ERC2: variants seen among roughly 807,000 people sequenced by gnomAD.
ERC2 encodes ERC protein 2.
In ERC2, 42 loss-of-function variants were observed where a neutral mutation model predicts 114.8. The observed-to-expected ratio is 0.37, with a 90% confidence interval of 0.29 to 0.47. ERC2 has a LOEUF of 0.47. ERC2 is among the 20% of genes least tolerant of loss of function. The pLI is 0.99. For synonymous variants in ERC2, 454 were observed against 425.5 expected (o/e 1.07, Z -0.82); for missense variants, 939 against 1,150.7 (o/e 0.82, Z 2.66).
At chr3:55,523,843 G>A (rs188308437) in intron 17 of ERC2, among the ~76,000 whole-genome samples, 2 of 152,322 alleles carry the variant, frequency 1.3e-5, no homozygotes, top group Admixed American at 6.5e-5. Flanking sequence ...TGCTTCTGCA[G>A]CAGTGATTTT....
chr3:56,023,767 A>AAGGAAGGAAGGAAGG (rs1553777492), intron 7 of ERC2, among the ~76,000 whole-genome samples: 1 of 49,586 alleles, frequency 2.0e-5, no homozygotes, highest in African/African-American at 5.1e-5. Context: ...ATGAATGAAA[A>AAGGAAGGAAGGAAGG]AAGGAATGAA....
intron 17 of ERC2, among the ~76,000 whole-genome samples, chr3:55,625,894 C>G (rs532431465): frequency 1.3e-5 from 2 of 152,194 alleles, no homozygotes; most frequent in African/African-American, 4.8e-5. Flanking sequence ...CTTGAGTTAA[C>G]TCAAGGGGAC....
At chr3:55,812,169 C>A (rs1231876036) in intron 14 of ERC2, among the ~76,000 whole-genome samples, 1 of 152,196 alleles carries the variant, frequency 6.6e-6, no homozygotes. Flanking sequence ...ATTTCTTTAT[C>A]TGAAATCGGA....
At chr3:56,200,404 C>A in intron 3 of ERC2, among the ~76,000 whole-genome samples, 1 of 151,940 alleles carries the variant, frequency 6.6e-6, no homozygotes, top group East Asian at 1.9e-4. Flanking sequence ...TCTTTCCTCC[C>A]AGCTCTAACA....
At chr3:55,858,396 C>T (rs2061880330) in intron 14 of ERC2, among the ~76,000 whole-genome samples, 1 of 152,108 alleles carries the variant, frequency 6.6e-6, no homozygotes, top group South Asian at 2.1e-4. Flanking sequence ...AGCTCTTATT[C>T]AACATACTTA....
At chr3:56,216,522 G>T (rs1313642718) in intron 3 of ERC2, among the ~76,000 whole-genome samples, 1 of 152,162 alleles carries the variant, frequency 6.6e-6, no homozygotes, top group African/African-American at 2.4e-5. Context: ...ACCAAAAACA[G>T]TCCAGAACCA....
intron 2 of ERC2, among the ~76,000 whole-genome samples, chr3:56,433,263 G>A (rs2061874916): frequency 6.6e-6 from 1 of 150,526 alleles, no homozygotes; most frequent in African/African-American, 2.4e-5. Context: ...ATTCCAAAGC[G>A]CTTATAAAAA....
chr3:55,815,866 C>T (rs1461685440), intron 14 of ERC2, among the ~76,000 whole-genome samples: 3 of 152,124 alleles, frequency 2.0e-5, no homozygotes, highest in African/African-American at 7.2e-5. Flanking sequence ...TGCAAAATGC[C>T]TTCGTGAGTA....
chr3:55,837,887 CA>C (rs2060967490), intron 14 of ERC2, among the ~76,000 whole-genome samples: 1 of 150,374 alleles, frequency 6.7e-6, no homozygotes, highest in Non-Finnish European at 1.5e-5. Context: ...ATATACCATA[CA>C]AAAACTAAAG....
intron 14 of ERC2, among the ~76,000 whole-genome samples, chr3:55,886,287 A>G (rs1283795293): frequency 6.6e-6 from 1 of 152,210 alleles, no homozygotes. Flanking sequence ...AAAACATCAT[A>G]TGATAAATTT....
At chr3:56,414,062 A>T (rs1367920646) in intron 2 of ERC2, among the ~76,000 whole-genome samples, 1 of 152,222 alleles carries the variant, frequency 6.6e-6, no homozygotes, top group Non-Finnish European at 1.5e-5. Context: ...TACTTTTTCA[A>T]GGAAGTTCAA....
At chr3:56,003,147 G>T in intron 10 of ERC2, 1 of 1,287,778 alleles carries the variant, frequency 7.8e-7, no homozygotes. Flanking sequence ...ACATTGCAAA[G>T]TTGGGGAGGC....
At chr3:56,085,191 C>A (rs1424181750) in intron 6 of ERC2, among the ~76,000 whole-genome samples, 1 of 152,158 alleles carries the variant, frequency 6.6e-6, no homozygotes, top group Admixed American at 6.5e-5. Context: ...GTAGAATATC[C>A]TTTTCTTGCT....
rs566438746 is a variant in ERC2, at chr3:56,127,000, C to T, written c.1473+12509G>A. 6.3e-4 allele frequency among the ~76,000 whole-genome samples: 96 copies of T among 151,924 alleles called. 1 individual carries two copies. Among genetic ancestry groups the T allele is most frequent in the African/African-American group, 2.2e-3 (92 of 41,404 alleles). On this transcript the variant is annotated intron_variant, in intron 6 of 17. Transcript: ENST00000288221. The stretch of plus-strand genomic sequence containing the variant: ...GATGCAGGGTTACAAAATCAATATA[C>T]AAAAATCAGTATCATTTATATAGGC...
At chr3:55,795,522 C>T (rs778036187) in intron 14 of ERC2, among the ~76,000 whole-genome samples, 17 of 152,326 alleles carry the variant, frequency 1.1e-4, no homozygotes, top group Middle Eastern at 3.4e-3. Flanking sequence ...ATCCTTTTCC[C>T]CGTTTAACTT....
intron 2 of ERC2, among the ~76,000 whole-genome samples, chr3:56,338,807 C>T (rs1269502662): frequency 1.3e-5 from 2 of 152,152 alleles, no homozygotes; most frequent in African/African-American, 4.8e-5. Context: ...GCACTTTCTC[C>T]CTAAGGCTGT....
At chr3:56,010,174 A>C (rs1015804277) in intron 9 of ERC2, among the ~76,000 whole-genome samples, 13 of 152,154 alleles carry the variant, frequency 8.5e-5, no homozygotes, top group African/African-American at 2.9e-4. Context: ...GAATCCTTTA[A>C]GCTGTGCAAA....
At position 56,149,036 on chromosome 3, in the gene ERC2, C is replaced by G; in HGVS notation, c.1246G>C (p.Glu416Gln). The G allele has an allele frequency of 6.2e-7, 1 of 1,613,402 alleles. No individual in the cohort carries two copies. Among genetic ancestry groups the G allele is most frequent in the Non-Finnish European group, 8.5e-7 (1 of 1,179,586 alleles). Residue 416 changes from glutamate to glutamine, a missense_variant, in exon 5 of 18, where the codon GAA (glutamate) becomes CAA (glutamine). Transcript: ENST00000288221. ...ACCTCAATTTGTTTGATCTCTTCTT[C>G]GCGGTCCTCAGTGTTCAGCACACCA... ...ANGVLNTEDR[E>Q]EEIKQIEVYK...
At chr3:56,193,863 G>T (rs2047937619) in intron 3 of ERC2, among the ~76,000 whole-genome samples, 1 of 152,166 alleles carries the variant, frequency 6.6e-6, no homozygotes, top group South Asian at 2.1e-4. Flanking sequence ...ATGAGTAAAA[G>T]CGTGGCAATA....
Sources: gnomAD v4.1 joint callset for allele counts (sites outside exome capture counted in the v4.1 genomes callset) on GRCh38, gnomAD v4.1.1 for gene constraint, MANE v1.5 for transcripts, NCBI Gene and HGNC (gene_info 2026-07-23, HGNC 2026-07-21) for gene names.